The following SLC4A7 variants were observed in gnomAD, a reference collection of about 807,000 sequenced individuals.
SLC4A7 encodes sodium bicarbonate cotransporter 3.
In SLC4A7, 51 loss-of-function variants were observed where a neutral mutation model predicts 137.6. The observed-to-expected ratio is 0.37, with a 90% CI of 0.30 to 0.47. The LOEUF is 0.47. SLC4A7 is among the 20% of genes least tolerant of loss of function. The pLI is 1.00. For missense variants in SLC4A7, 1,247 were observed against 1,525.4 expected (o/e 0.82, Z 3.04); for synonymous variants, 542 against 518.6 (o/e 1.05, Z -0.61).
intron 1 of SLC4A7, among the ~76,000 whole-genome samples, chr3:27,475,911 G>A (rs1200336580): frequency 6.6e-6 from 1 of 152,124 alleles, no homozygotes; most frequent in Non-Finnish European, 1.5e-5. Flanking sequence ...GCAGAGTTCA[G>A]GAAGGAAGAG....
intron 23 of SLC4A7, among the ~76,000 whole-genome samples, chr3:27,385,614 T>C (rs2050858984): frequency 6.6e-6 from 1 of 152,150 alleles, no homozygotes; most frequent in South Asian, 2.1e-4. Context: ...AGTAAGCACA[T>C]GATATGTAAT....
At chr3:27,470,696 A>C (rs2059206388) in intron 1 of SLC4A7, among the ~76,000 whole-genome samples, 1 of 151,216 alleles carries the variant, frequency 6.6e-6, no homozygotes, top group African/African-American at 2.4e-5. Flanking sequence ...TAACCCCAGC[A>C]CTCTGGGAGG....
chr3:27,408,293 G>A (rs1410591805), intron 13 of SLC4A7, among the ~76,000 whole-genome samples: 1 of 152,210 alleles, frequency 6.6e-6, no homozygotes, highest in African/African-American at 2.4e-5. Context: ...CACGGACAAA[G>A]AGGCAGCAAT....
intron 16 of SLC4A7, 116 bp downstream of exon 16, chr3:27,400,648 T>A (rs539981404): frequency 9.4e-6 from 6 of 640,986 alleles, no homozygotes; most frequent in Non-Finnish European, 1.6e-5. Context: ...TAACACTACA[T>A]TCTGAAAACA....
chr3:27,407,346 G>C (rs529367231), intron 13 of SLC4A7, among the ~76,000 whole-genome samples: 346 of 151,930 alleles, frequency 2.3e-3, no homozygotes, highest in Non-Finnish European at 3.8e-3. Flanking sequence ...CCGCCGTGGT[G>C]GTGGGCCCCT....
chr3:27,383,092 A>G, intron 24 of SLC4A7, 61 bp downstream of exon 24: 1 of 937,868 alleles, frequency 1.1e-6, no homozygotes, highest in South Asian at 1.4e-5. Context: ...GAAGCATTAT[A>G]TGACTTATTA....
intron 1 of SLC4A7, among the ~76,000 whole-genome samples, chr3:27,482,362 C>T (rs1441624587): frequency 6.6e-6 from 1 of 152,146 alleles, no homozygotes; most frequent in Admixed American, 6.5e-5. Context: ...CGTGAAAACT[C>T]GAATGCACTT....
At chr3:27,403,476 A>G (rs964203278) in intron 14 of SLC4A7, 92 bp from the exon 15 acceptor site, 12 of 741,364 alleles carry the variant, frequency 1.6e-5, no homozygotes, top group Non-Finnish European at 2.4e-5. Flanking sequence ...GAACAGCAAG[A>G]AAACACGATT....
In SLC4A7 at chr3:27,448,783, A is replaced by G. The variant is rs775886465; in HGVS notation, c.157T>C (p.Tyr53His). ...KEELESHRAV[Y>H]IGVHVPFSKE... ...CTAAACGGGACGTGAACACCAATAT[A>G]TACAGCTCTATGACCTATTAAAAGG... The change falls in exon 3 of 26, where the codon TAT becomes CAT. Residue 53 changes from tyrosine to histidine, a missense_variant. Transcript: ENST00000454389. 5.6e-6 allele frequency: 9 copies of G among 1,610,026 alleles called. No homozygotes were observed. Among genetic ancestry groups the G allele is most frequent in the Non-Finnish European group, 7.6e-6 (9 of 1,178,370 alleles).
At chr3:27,428,270 G>C (rs2055867845) in intron 7 of SLC4A7, 2 of 154,316 alleles carry the variant, frequency 1.3e-5, no homozygotes, top group Admixed American at 1.3e-4. Context: ...AAGTGGACCT[G>C]AGTTCAAATC....
intron 7 of SLC4A7, among the ~76,000 whole-genome samples, chr3:27,426,806 C>G (rs7624512): frequency 0.29 from 44,317 of 152,066 alleles, 8,216 homozygotes; most frequent in East Asian, 0.74. Flanking sequence ...CCAACCTCAG[C>G]TAAACTAAAA....
intron 3 of SLC4A7, among the ~76,000 whole-genome samples, chr3:27,439,615 T>G (rs2057029835): frequency 6.6e-6 from 1 of 152,208 alleles, no homozygotes; most frequent in South Asian, 2.1e-4. Context: ...CTTAGTTCTC[T>G]TAAGTATTGT....
intron 21 of SLC4A7, 169 bp from the exon 22 acceptor site, chr3:27,390,273 G>A (rs2150074922): frequency 3.2e-6 from 1 of 310,870 alleles, no homozygotes; most frequent in South Asian, 5.5e-5. Flanking sequence ...CCAAAGTGGG[G>A]TCGGGTGGGG....
chr3:27,476,089 T>C (rs929247772), intron 1 of SLC4A7, among the ~76,000 whole-genome samples: 1 of 152,228 alleles, frequency 6.6e-6, no homozygotes, highest in Non-Finnish European at 1.5e-5. Context: ...TATAATCATA[T>C]ATATCAAAAG....
At position 27,390,887 on chromosome 3, in the gene SLC4A7, G is replaced by A. The variant is rs143851981; in HGVS notation, c.3187-783C>T. On this transcript the variant is annotated intron_variant, in intron 21 of 25. Transcript: ENST00000454389. ...CACCCAGGCTGGAATGCAGTGGCAT[G>A]ACTACAGCTCACAGCAGCCTCAAAC... is the stretch of plus-strand genomic sequence containing the variant. 2.2e-4 allele frequency among the ~76,000 whole-genome samples: 33 copies of A among 152,140 alleles called. No homozygotes were observed. The East Asian group carries it at 6.0e-3, about 28-fold the overall frequency.
chr3:27,431,585 G>C lies in SLC4A7; in HGVS notation c.863C>G (p.Ser288Cys). 6.2e-7 allele frequency: 1 copy of C among 1,614,062 alleles called. No individual in the cohort carries two copies. Among genetic ancestry groups the C allele is most frequent in the Non-Finnish European group, 8.5e-7 (1 of 1,179,958 alleles). ...AGGAAGAAGATGACCAAGAAGAAGA[G>C]ATAAAGGTGATTCTCCTCTCAAGGA... ...NLSLRGESPL[S>C]LLLGHLLPSS... is the part of the protein sequence containing the mutation. Residue 288 changes from serine (S) to cysteine (C), a missense_variant, in exon 7 of 26, where the codon TCT (serine) becomes TGT (cysteine). By Grantham distance (112) the Ser-to-Cys change is moderately radical. This residue lies in a region of SLC4A7 where 223 missense variants were observed against 203.6 expected (regional missense o/e 1.10). Transcript: ENST00000454389.
chr3:27,426,107 G>T (rs1456472011), intron 7 of SLC4A7, among the ~76,000 whole-genome samples: 2 of 152,110 alleles, frequency 1.3e-5, no homozygotes, highest in Non-Finnish European at 2.9e-5. Context: ...AAGTCATCTG[G>T]GTTTACGGCT....
intron 7 of SLC4A7, among the ~76,000 whole-genome samples, chr3:27,424,938 C>T (rs985142060): frequency 7.2e-5 from 11 of 152,184 alleles, no homozygotes; most frequent in Non-Finnish European, 1.6e-4. Context: ...AAAGGACAGA[C>T]ACATATTGAA....
chr3:27,437,361 A>AC (rs1038858498), intron 4 of SLC4A7, 27 bp downstream of exon 4: 2 of 1,487,762 alleles, frequency 1.3e-6, no homozygotes, highest in Non-Finnish European at 1.8e-6. Flanking sequence ...CAAAAAAAAA[A>AC]AAGAGAGAGA....
Sources: allele counts gnomAD v4.1 joint callset (sites outside exome capture counted in the v4.1 genomes callset), GRCh38; gene constraint gnomAD v4.1.1; regional missense constraint gnomAD v4.1.1; transcripts MANE v1.5; gene names NCBI Gene and HGNC (gene_info 2026-07-23, HGNC 2026-07-21).